Variants in POFUT3 observed in about 807,000 individuals in gnomAD.
POFUT3 encodes GDP-fucose protein O-fucosyltransferase 3.
At chr8:33,439,851 A>G in the POFUT3 span, among the ~76,000 whole-genome samples, 1 of 152,092 alleles carries the variant, frequency 6.6e-6, no homozygotes, top group African/African-American at 2.4e-5. Flanking sequence ...TGGGTGACAG[A>G]GTGAGACTCT....
At chr8:33,399,324 T>A in the POFUT3 span, among the ~76,000 whole-genome samples, 1 of 152,238 alleles carries the variant, frequency 6.6e-6, no homozygotes, top group Non-Finnish European at 1.5e-5. Flanking sequence ...AATTATCCAA[T>A]TATTAACTCA....
At chr8:33,309,351 TTGTGTG>T in the POFUT3 span, among the ~76,000 whole-genome samples, 1 of 142,504 alleles carries the variant, frequency 7.0e-6, no homozygotes, top group Admixed American at 7.0e-5. Context: ...CTTAAAGGTA[TTGTGTG>T]TGTGTGTGTG....
chr8:33,343,696 T>C, the POFUT3 span, among the ~76,000 whole-genome samples: 3 of 152,206 alleles, frequency 2.0e-5, no homozygotes, highest in Non-Finnish European at 4.4e-5. Context: ...TTTTACTTGT[T>C]CAGTTATTTT....
At chr8:33,440,803 AT>A in the POFUT3 span, among the ~76,000 whole-genome samples, 107 of 152,118 alleles carry the variant, frequency 7.0e-4, no homozygotes, top group Non-Finnish European at 1.2e-3. Context: ...CTGAGGGGTC[AT>A]TTTTTTCACT....
the POFUT3 span, among the ~76,000 whole-genome samples, chr8:33,373,440 T>TA: frequency 6.6e-6 from 1 of 152,176 alleles, no homozygotes; most frequent in African/African-American, 2.4e-5. Flanking sequence ...ACAATAATGG[T>TA]ACCTGACATT....
the POFUT3 span, among the ~76,000 whole-genome samples, chr8:33,400,001 G>A: frequency 6.6e-6 from 1 of 151,926 alleles, no homozygotes; most frequent in African/African-American, 2.4e-5. Context: ...GAAATGTGGA[G>A]CATATATAGC....
chr8:33,341,593 T>A, the POFUT3 span, among the ~76,000 whole-genome samples: 1 of 152,012 alleles, frequency 6.6e-6, no homozygotes, highest in Non-Finnish European at 1.5e-5. Context: ...GAGAGGAATT[T>A]ATAGCACTAA....
the POFUT3 span, among the ~76,000 whole-genome samples, chr8:33,457,554 T>A: frequency 6.6e-6 from 1 of 152,120 alleles, no homozygotes; most frequent in African/African-American, 2.4e-5. Flanking sequence ...TGGGAAAAAT[T>A]TAACATGGCC....
chr8:33,325,688 A>G, the POFUT3 span, among the ~76,000 whole-genome samples: 1 of 152,124 alleles, frequency 6.6e-6, no homozygotes, highest in Non-Finnish European at 1.5e-5. Context: ...GATCCAAGAC[A>G]CCTGCTCCTT....
chr8:33,435,779 G>GTGC, the POFUT3 span, among the ~76,000 whole-genome samples: 1 of 152,082 alleles, frequency 6.6e-6, no homozygotes, highest in African/African-American at 2.4e-5. Flanking sequence ...GCCTCCCAAA[G>GTGC]TGCTGGAATT....
the POFUT3 span, chr8:33,453,089 A>C: frequency 1.1e-6 from 1 of 912,458 alleles, no homozygotes; most frequent in Non-Finnish European, 1.7e-6. Flanking sequence ...GAGCAAATGC[A>C]AAGGAAATCA....
the POFUT3 span, among the ~76,000 whole-genome samples, chr8:33,345,152 T>C: frequency 6.6e-6 from 1 of 152,198 alleles, no homozygotes; most frequent in Admixed American, 6.6e-5. Context: ...GAGAGAGGAC[T>C]TGGATGACAT....
chr8:33,404,127 C>T, the POFUT3 span, among the ~76,000 whole-genome samples: 1 of 152,268 alleles, frequency 6.6e-6, no homozygotes, highest in Admixed American at 6.5e-5. Flanking sequence ...CACCCAAGGT[C>T]AGGAGTTTGA....
chr8:33,357,157 T>C, the POFUT3 span, among the ~76,000 whole-genome samples: 1 of 152,212 alleles, frequency 6.6e-6, no homozygotes, highest in African/African-American at 2.4e-5. Flanking sequence ...TGATGCAGGC[T>C]CTTTTTTGGT....
At chr8:33,350,690 T>A in the POFUT3 span, among the ~76,000 whole-genome samples, 2 of 152,250 alleles carry the variant, frequency 1.3e-5, no homozygotes, top group South Asian at 4.2e-4. Context: ...TAAGTCAAGT[T>A]TCCCAGTGGA....
At chr8:33,356,832 T>G in the POFUT3 span, among the ~76,000 whole-genome samples, 1 of 152,208 alleles carries the variant, frequency 6.6e-6, no homozygotes, top group South Asian at 2.1e-4. Context: ...TTAATCCATC[T>G]TGAATTAATT....
the POFUT3 span, among the ~76,000 whole-genome samples, chr8:33,467,798 T>G: frequency 6.6e-6 from 1 of 152,160 alleles, no homozygotes; most frequent in African/African-American, 2.4e-5. Context: ...ATTAGCAGCT[T>G]GAGGGTGCCA....
the POFUT3 span, among the ~76,000 whole-genome samples, chr8:33,346,037 C>T: frequency 1.3e-5 from 2 of 151,726 alleles, no homozygotes; most frequent in Admixed American, 6.6e-5. Context: ...GTTGGTCAGG[C>T]TGGTCTTGAA....
At chr8:33,391,717 G>A in the POFUT3 span, among the ~76,000 whole-genome samples, 1 of 152,168 alleles carries the variant, frequency 6.6e-6, no homozygotes, top group African/African-American at 2.4e-5. Context: ...GAAAGTACTA[G>A]AGTCCAGTCC....
Sources: gnomAD v4.1 joint callset for allele counts (sites outside exome capture counted in the v4.1 genomes callset) on GRCh38, gnomAD v4.1.1 for gene constraint, MANE v1.5 for transcripts, NCBI Gene and HGNC (gene_info 2026-07-23, HGNC 2026-07-21) for gene names.